The following IL1RAPL1 variants were observed in gnomAD, a reference collection of about 807,000 sequenced individuals.
The protein encoded by IL1RAPL1 is interleukin-1 receptor accessory protein-like 1.
Under a neutral mutation model 48.4 loss-of-function variants are expected in IL1RAPL1, and 3 were observed. The observed-to-expected ratio is 0.06, with a 90% CI of 0.03 to 0.16. IL1RAPL1 has a LOEUF of 0.16. IL1RAPL1 is among the 10% of genes least tolerant of loss of function. The pLI is 1.00. For missense variants in IL1RAPL1, 349 were observed against 530.6 expected (o/e 0.66, Z 3.36); for synonymous variants, 185 against 187.7 (o/e 0.99, Z 0.12).
At chrX:28,856,429 G>A (rs774517703) in intron 2 of IL1RAPL1, among the ~76,000 whole-genome samples, 1 of 111,665 alleles carries the variant, frequency 9.0e-6, no homozygotes, top group Admixed American at 9.5e-5. Flanking sequence ...CAGATACACC[G>A]TGTTTTATTG....
intron 5 of IL1RAPL1, among the ~76,000 whole-genome samples, chrX:29,510,381 C>A (rs191754527): frequency 2.5e-4 from 28 of 112,044 alleles, no homozygotes; most frequent in African/African-American, 8.1e-4. Context: ...TGAAAGGTGG[C>A]ATTTGTTCTA....
chrX:29,917,860 C>T (rs896452302), intron 7 of IL1RAPL1, among the ~76,000 whole-genome samples: 2 of 108,175 alleles, frequency 1.8e-5, no homozygotes, highest in Admixed American at 2.0e-4. Context: ...TGGTGGCTCT[C>T]GCCTGTAATC....
At chrX:29,811,640 T>C (rs965041021) in intron 6 of IL1RAPL1, among the ~76,000 whole-genome samples, 2 of 111,107 alleles carry the variant, frequency 1.8e-5, no homozygotes, top group Non-Finnish European at 3.8e-5. Context: ...ACCATCACAA[T>C]GGGATTACCA....
At chrX:28,744,055 T>C (rs746241891) in intron 1 of IL1RAPL1, among the ~76,000 whole-genome samples, 4 of 111,449 alleles carry the variant, frequency 3.6e-5, no homozygotes, top group Non-Finnish European at 7.5e-5. Context: ...TTTTTGTTTA[T>C]TTCCCTCTCT....
At chrX:28,669,397 T>A (rs1344144270) in intron 1 of IL1RAPL1, among the ~76,000 whole-genome samples, 1 of 109,645 alleles carries the variant, frequency 9.1e-6, no homozygotes, top group East Asian at 2.9e-4. Flanking sequence ...GGCGGGTGGA[T>A]CACTTGATGT....
chrX:29,697,966 T>A (rs1159008360), intron 6 of IL1RAPL1, among the ~76,000 whole-genome samples: 1 of 111,058 alleles, frequency 9.0e-6, no homozygotes, highest in Non-Finnish European at 1.9e-5. Context: ...ATCCTTCCCA[T>A]GTCTTTCCAT....
At chrX:29,158,522 C>A (rs1929611057) in intron 2 of IL1RAPL1, among the ~76,000 whole-genome samples, 1 of 110,940 alleles carries the variant, frequency 9.0e-6, no homozygotes, top group South Asian at 3.9e-4. Context: ...ATTGCAGGCA[C>A]CTGCCACCAT....
chrX:29,326,338 C>T (rs1036248270), intron 3 of IL1RAPL1, among the ~76,000 whole-genome samples: 10 of 112,250 alleles, frequency 8.9e-5, no homozygotes, highest in African/African-American at 3.2e-4. Context: ...ATTTGTATGT[C>T]TTTCCAAGGA....
intron 6 of IL1RAPL1, among the ~76,000 whole-genome samples, chrX:29,783,334 G>C (rs1210761567): frequency 9.0e-6 from 1 of 111,691 alleles, no homozygotes; most frequent in African/African-American, 3.3e-5. Context: ...TGGCTGTAGA[G>C]CAGAGTCCTG....
At chrX:29,007,831 C>G (rs1926019493) in intron 2 of IL1RAPL1, among the ~76,000 whole-genome samples, 1 of 111,869 alleles carries the variant, frequency 8.9e-6, no homozygotes, top group African/African-American at 3.2e-5. Context: ...TGTCTACTCA[C>G]TAGAACATCT....
chrX:29,437,473 T>C (rs1934494833), intron 5 of IL1RAPL1, among the ~76,000 whole-genome samples: 1 of 110,823 alleles, frequency 9.0e-6, no homozygotes, highest in African/African-American at 3.3e-5. Flanking sequence ...ACAGACATTT[T>C]TTTGTCTTAT....
chrX:29,885,640 G>C (rs1932143866), intron 6 of IL1RAPL1, among the ~76,000 whole-genome samples: 1 of 110,990 alleles, frequency 9.0e-6, no homozygotes, highest in Non-Finnish European at 1.9e-5. Flanking sequence ...GTGAGACCCT[G>C]TCTCTACAAA....
intron 1 of IL1RAPL1, among the ~76,000 whole-genome samples, chrX:28,781,278 CTT>C (rs938696672): frequency 4.6e-5 from 5 of 107,989 alleles, no homozygotes; most frequent in Non-Finnish European, 3.8e-5. Flanking sequence ...TTTTTGCAAA[CTT>C]GAGGGTTTTT....
At chrX:28,915,665 C>T (rs1292541550) in intron 2 of IL1RAPL1, among the ~76,000 whole-genome samples, 1 of 110,920 alleles carries the variant, frequency 9.0e-6, no homozygotes, top group East Asian at 2.8e-4. Context: ...TTTCCAGAGC[C>T]TGTTATTTTT....
intron 2 of IL1RAPL1, among the ~76,000 whole-genome samples, chrX:28,929,875 A>T (rs1361158242): frequency 8.9e-6 from 1 of 112,385 alleles, no homozygotes; most frequent in African/African-American, 3.2e-5. Flanking sequence ...TTAATGCAAC[A>T]AAATGGAAGC....
At chrX:28,869,573 G>GA (rs1212692539) in intron 2 of IL1RAPL1, among the ~76,000 whole-genome samples, 2 of 111,483 alleles carry the variant, frequency 1.8e-5, no homozygotes, top group African/African-American at 6.5e-5. Context: ...AGTAGAAAAT[G>GA]AAAAAAATTT....
intron 2 of IL1RAPL1, among the ~76,000 whole-genome samples, chrX:28,923,111 A>G (rs1416343811): frequency 2.7e-5 from 3 of 112,415 alleles, no homozygotes; most frequent in Admixed American, 9.5e-5. Context: ...GCCAGTGAAT[A>G]ATAATCACAT....
chrX:29,452,225 T>G (rs1934687854), intron 5 of IL1RAPL1, among the ~76,000 whole-genome samples: 1 of 112,231 alleles, frequency 8.9e-6, no homozygotes, highest in Admixed American at 9.5e-5. Context: ...ACAATTTGCT[T>G]TATTTAAGAA....
chrX:29,311,301 T>TCAAG (rs1569282660), intron 3 of IL1RAPL1, among the ~76,000 whole-genome samples: 1 of 112,040 alleles, frequency 8.9e-6, no homozygotes, highest in African/African-American at 3.2e-5. Context: ...TCGATATGAA[T>TCAAG]CAAGCAGTAA....
Sources: allele counts gnomAD v4.1 joint callset (sites outside exome capture counted in the v4.1 genomes callset), GRCh38; gene constraint gnomAD v4.1.1; transcripts MANE v1.5; gene names NCBI Gene and HGNC (gene_info 2026-07-23, HGNC 2026-07-21).